The following MYO10 variants were observed in gnomAD, a reference collection of about 807,000 sequenced individuals.
The protein encoded by MYO10 is myosin X, also known as unconventional myosin-X.
A neutral mutation model predicts 257.3 loss-of-function variants in MYO10; 133 were observed. The observed-to-expected ratio is 0.52, with a 90% CI of 0.45 to 0.60. MYO10 has a LOEUF of 0.60. Ranked by LOEUF, MYO10 falls within the 20% of genes least tolerant of loss-of-function variation. The probability of loss-of-function intolerance (pLI) is 0.00; values close to 1 mark genes in which losing one functional copy is unlikely to be tolerated. For synonymous variants in MYO10, 1,104 were observed against 1,028.6 expected, an observed-to-expected ratio of 1.07 and a Z score of -1.40; for missense variants, 2,399 against 2,635.7, an observed-to-expected ratio of 0.91 and a Z score of 1.97.
intron 28 of MYO10, among the ~76,000 whole-genome samples, chr5:16,686,794 T>C (rs1197511461): frequency 6.6e-6 from 1 of 152,172 alleles, no homozygotes; most frequent in East Asian, 1.9e-4. Context: ...CCCAAAGTGC[T>C]GGGATTACAG....
chr5:16,841,946 C>CAA (rs1287956345), intron 2 of MYO10, among the ~76,000 whole-genome samples: 1 of 124,630 alleles, frequency 8.0e-6, no homozygotes. Context: ...GAGATTAGCA[C>CAA]AATATCTGAT....
chr5:16,755,730 T>A, intron 18 of MYO10, among the ~76,000 whole-genome samples: 1 of 151,706 alleles, frequency 6.6e-6, no homozygotes, highest in African/African-American at 2.4e-5. Context: ...CTTTTTTTTT[T>A]TTTTTTTTTT....
At position 16,914,962 on chromosome 5, in the gene MYO10, A is replaced by G. The variant is rs1388524532; in HGVS notation, c.21+20826T>C. On this transcript the variant is annotated intron_variant, in intron 1 of 40. Transcript: ENST00000513610. Reference sequence around the variant, plus strand: ...CACAAGATTAAAAGTATAACCTTAAATAAACGGAAATTTCCCAGAAATGCC... The same window carrying G: ...CACAAGATTAAAAGTATAACCTTAAGTAAACGGAAATTTCCCAGAAATGCC... 2.0e-5 allele frequency among the ~76,000 whole-genome samples: 3 copies of G among 152,216 alleles called. No individual in the cohort carries two copies. In the East Asian group the frequency reaches 5.8e-4, roughly 29 times the overall value.
chr5:16,774,541 G>A (rs977251692), intron 9 of MYO10, among the ~76,000 whole-genome samples: 2 of 151,608 alleles, frequency 1.3e-5, no homozygotes, highest in South Asian at 4.2e-4. Context: ...CCTGCCTCAG[G>A]CTCCCGAGTA....
At chr5:16,742,811 CAA>C (rs57564484) in intron 19 of MYO10, among the ~76,000 whole-genome samples, 5 of 133,536 alleles carry the variant, frequency 3.7e-5, no homozygotes, top group Non-Finnish European at 4.9e-5. Flanking sequence ...GACTCGGTCT[CAA>C]AAAAAAAAAA....
At chr5:16,915,615 C>A (rs1745792316) in intron 1 of MYO10, among the ~76,000 whole-genome samples, 1 of 152,192 alleles carries the variant, frequency 6.6e-6, no homozygotes, top group South Asian at 2.1e-4. Flanking sequence ...ACGCTGAATT[C>A]CATCAACAGT....
intron 3 of MYO10, among the ~76,000 whole-genome samples, chr5:16,805,458 CAAAAA>C (rs36126574): frequency 2.3e-4 from 18 of 78,344 alleles, no homozygotes; most frequent in Non-Finnish European, 3.3e-4. Flanking sequence ...GACTCCATCT[CAAAAA>C]AAAAAAAAAA....
intron 26 of MYO10, among the ~76,000 whole-genome samples, chr5:16,696,107 G>T (rs1459043039): frequency 6.6e-6 from 1 of 152,166 alleles, no homozygotes; most frequent in African/African-American, 2.4e-5. Context: ...TTGTTTCAAA[G>T]ATTAGAAGAG....
In MYO10 at chr5:16,662,230, A is replaced by G. The variant is rs1307910652; in HGVS notation, c.*4462T>C. The G allele has an allele frequency of 6.6e-6, 1 of 151,144 alleles. No homozygotes were observed. Among genetic ancestry groups the G allele is most frequent in the Non-Finnish European group, 1.5e-5 (1 of 67,842 alleles). 9.4% of individuals were successfully genotyped at this position (151,144 alleles called of 1,614,324 possible). A position where few individuals can be genotyped will look rare whatever the true frequency, so the allele number is the denominator to read the frequency against. On this transcript the variant is annotated 3_prime_UTR_variant, in exon 41 of 41. Transcript: ENST00000513610. ...ATACACACAAATACAGAACTTTACT[A>G]TAGCAGATTTTTGACCCCAATTTAG...
chr5:16,760,990 T>A lies in MYO10; in HGVS notation c.1739+474A>T, dbSNP rs543331859. On this transcript the variant is annotated intron_variant, in intron 17 of 40. Transcript: ENST00000513610. ...TTATTATTATTATTATTAATTTATT[T>A]ATTTATTTATTTATTTTGAGACAGA... Among the ~76,000 whole-genome samples, 295 of 149,824 alleles carry A rather than the reference T, an allele frequency of 2.0e-3. 2 individuals carry two copies. The highest frequency in any genetic ancestry group is 6.9e-3 in the African/African-American group (279 of 40,396).
intron 2 of MYO10, among the ~76,000 whole-genome samples, chr5:16,819,297 G>T (rs961975008): frequency 6.6e-6 from 1 of 152,264 alleles, no homozygotes; most frequent in South Asian, 2.1e-4. Context: ...AGGTGACTCT[G>T]GTACCGTCAG....
At chr5:16,765,211 C>T (rs1740828754) in intron 11 of MYO10, among the ~76,000 whole-genome samples, 1 of 152,110 alleles carries the variant, frequency 6.6e-6, no homozygotes, top group Non-Finnish European at 1.5e-5. Context: ...ACATCTGAGT[C>T]AGTGGGCTAG....
At chr5:16,793,055 G>A (rs1278022330) in intron 4 of MYO10, among the ~76,000 whole-genome samples, 1 of 152,196 alleles carries the variant, frequency 6.6e-6, no homozygotes, top group African/African-American at 2.4e-5. Context: ...CACACTGGCA[G>A]CTTTACAAGA....
intron 2 of MYO10, among the ~76,000 whole-genome samples, chr5:16,868,661 A>G (rs1375571918): frequency 6.6e-6 from 1 of 152,118 alleles, no homozygotes; most frequent in Non-Finnish European, 1.5e-5. Context: ...GTGGTCCAAG[A>G]AGACAACTGA....
intron 17 of MYO10, among the ~76,000 whole-genome samples, chr5:16,758,748 T>C (rs1431199866): frequency 6.6e-6 from 1 of 152,138 alleles, no homozygotes; most frequent in Non-Finnish European, 1.5e-5. Context: ...ATCTGGAAAA[T>C]GGAGATAATT....
At chr5:16,795,259 G>C (rs1040837484) in intron 3 of MYO10, among the ~76,000 whole-genome samples, 1 of 152,212 alleles carries the variant, frequency 6.6e-6, no homozygotes, top group Admixed American at 6.5e-5. Context: ...TGGGGGAGAA[G>C]GACATTTACA....
At chr5:16,817,792 TC>T (rs1328360173) in intron 3 of MYO10, among the ~76,000 whole-genome samples, 1 of 152,170 alleles carries the variant, frequency 6.6e-6, no homozygotes, top group Non-Finnish European at 1.5e-5. Context: ...AGAAGGCCCT[TC>T]CACAGAAAGT....
At position 16,670,919 on chromosome 5, in the gene MYO10, A is replaced by G. The variant is rs1413340474; in HGVS notation, c.5490T>C (p.Leu1830=). The change falls in exon 39 of 41, where the codon CTT becomes CTC. Residue 1830 remains leucine (L), a synonymous_variant. Coordinates refer to ENST00000513610, the MANE Select transcript of MYO10 (RefSeq NM_012334.3). ...HPAPEENLQV[L]AALRLQYLQG... ...GCAGATACTGGAGTCGCAGGGCAGC[A>G]AGAACCTGGAGGTTTTCTTCCGGGG... The G allele has an allele frequency of 6.2e-7, 1 of 1,613,730 alleles. No individual in the cohort carries two copies. Among genetic ancestry groups the G allele is most frequent in the African/African-American group, 1.3e-5 (1 of 74,916 alleles).
At position 16,664,502 on chromosome 5, in the gene MYO10, T is replaced by A. The variant is rs1444337711; in HGVS notation, c.*2190A>T. The A allele has an allele frequency of 2.0e-5, 3 of 152,344 alleles. No homozygotes were observed. The East Asian group carries it at 5.8e-4, about 29-fold the overall frequency. The allele number at this position is 152,344 out of a possible 1,614,324, so 9.4% of individuals were successfully genotyped here. On this transcript the variant is annotated 3_prime_UTR_variant, in exon 41 of 41. Transcript: ENST00000513610. ...GCTTCAGGCAGCACCTGGCTTCAGG[T>A]TCCATCCCAATCCCTGCAGAATGGG...
Sources: allele counts gnomAD v4.1 joint callset (sites outside exome capture counted in the v4.1 genomes callset), GRCh38; gene constraint gnomAD v4.1.1; transcripts MANE v1.5; gene names NCBI Gene and HGNC (gene_info 2026-07-23, HGNC 2026-07-21).